GABRG1: variants seen among roughly 807,000 people sequenced by gnomAD.
GABRG1 encodes the protein gamma-aminobutyric acid receptor subunit gamma-1.
A neutral mutation model predicts 49.8 loss-of-function variants in GABRG1; 49 were observed. The ratio of observed to expected loss-of-function variants is 0.98; its 90% CI spans 0.78 to 1.25. The LOEUF (loss-of-function observed/expected upper bound fraction) is 1.25, where lower values mean the gene tolerates loss of function less well. Ranked by LOEUF, GABRG1 falls within the 50% of genes most tolerant of loss-of-function variation. The probability of loss-of-function intolerance (pLI) is 0.00; values close to 1 mark genes in which losing one functional copy is unlikely to be tolerated. For synonymous variants in GABRG1, 232 were observed against 185.1 expected, an observed-to-expected ratio of 1.25 and a Z score of -2.06; for missense variants, 552 against 552.3, an observed-to-expected ratio of 1.00 and a Z score of 0.01.
At chr4:46,117,946 A>G (rs1390551593) in intron 1 of GABRG1, among the ~76,000 whole-genome samples, 19 of 21,706 alleles carry the variant, frequency 8.8e-4, no homozygotes, top group South Asian at 1.8e-3. Context: ...ATATGTATAC[A>G]TGTGTATCTA....
At chr4:46,086,397 T>C (rs1397880032) in intron 2 of GABRG1, among the ~76,000 whole-genome samples, 1 of 151,636 alleles carries the variant, frequency 6.6e-6, no homozygotes, top group Non-Finnish European at 1.5e-5. Flanking sequence ...TAAACTACAA[T>C]AGATTTTAAA....
At chr4:46,071,969 C>A (rs964505107) in intron 3 of GABRG1, among the ~76,000 whole-genome samples, 10 of 151,970 alleles carry the variant, frequency 6.6e-5, no homozygotes, top group African/African-American at 2.2e-4. Context: ...AATGTCCAGG[C>A]CTTCACATTC....
At chr4:46,082,425 T>G (rs954556433) in intron 3 of GABRG1, among the ~76,000 whole-genome samples, 4 of 151,734 alleles carry the variant, frequency 2.6e-5, no homozygotes, top group African/African-American at 9.7e-5. Context: ...TAAATCTACA[T>G]TCCCACTCAC....
intron 1 of GABRG1, among the ~76,000 whole-genome samples, chr4:46,105,656 T>C (rs1397685820): frequency 2.0e-5 from 3 of 151,404 alleles, no homozygotes; most frequent in African/African-American, 7.3e-5. Flanking sequence ...CATAATTAAT[T>C]TGAATGTCCA....
At chr4:46,112,153 T>C (rs1720736852) in intron 1 of GABRG1, among the ~76,000 whole-genome samples, 1 of 150,638 alleles carries the variant, frequency 6.6e-6, no homozygotes, top group Non-Finnish European at 1.5e-5. Context: ...TCCAACAAAA[T>C]AAAACCCCAC....
intron 2 of GABRG1, among the ~76,000 whole-genome samples, chr4:46,090,687 G>A (rs1314281244): frequency 6.6e-6 from 1 of 151,768 alleles, no homozygotes; most frequent in Non-Finnish European, 1.5e-5. Flanking sequence ...ACACACAGAT[G>A]GTGAAGAAAG....
At position 46,058,355 on chromosome 4, in the gene GABRG1, T is replaced by C; in HGVS notation, c.778A>G (p.Met260Val). The C allele has an allele frequency of 1.2e-6, 2 of 1,611,152 alleles. No homozygotes were observed. Among genetic ancestry groups the C allele is most frequent in the South Asian group, 1.1e-5 (1 of 90,428 alleles). Residue 260 changes from methionine (M) to valine (V), a missense_variant, in exon 7 of 9, where the codon ATG (methionine) becomes GTG (valine). By Grantham distance (21) the Met-to-Val change is conservative. Transcript: ENST00000295452. ...CTGCTCAGGTCAAAAAAAATTGTCA[T>C]GATAACATAATCCCCTGTAAGAAAA... is the stretch of plus-strand genomic sequence containing the variant. The part of the protein sequence containing the change: ...THTISGDYVI[M>V]TIFFDLSRRM...
At chr4:46,085,558 A>G (rs985041249) in intron 2 of GABRG1, among the ~76,000 whole-genome samples, 2 of 151,646 alleles carry the variant, frequency 1.3e-5, no homozygotes, top group African/African-American at 4.8e-5. Context: ...TTGAGATGCT[A>G]TTTGATCTGA....
At chr4:46,047,444 A>G (rs542833079) in intron 8 of GABRG1, among the ~76,000 whole-genome samples, 1 of 152,176 alleles carries the variant, frequency 6.6e-6, no homozygotes, top group African/African-American at 2.4e-5. Context: ...TTTATGAATG[A>G]ATTATTTACA....
intron 1 of GABRG1, among the ~76,000 whole-genome samples, chr4:46,118,008 G>A (rs573327002): frequency 8.8e-6 from 1 of 113,250 alleles, no homozygotes; most frequent in Non-Finnish European, 1.7e-5. Flanking sequence ...ATATACATAT[G>A]TATACATGTG....
intron 1 of GABRG1, among the ~76,000 whole-genome samples, chr4:46,097,573 TAATA>T (rs1560369640): frequency 6.8e-6 from 1 of 148,092 alleles, no homozygotes; most frequent in African/African-American, 2.6e-5. Context: ...AATATTAAAA[TAATA>T]AAGTAAATTT....
intron 5 of GABRG1, among the ~76,000 whole-genome samples, chr4:46,060,279 G>A (rs1296638226): frequency 2.0e-5 from 3 of 151,912 alleles, no homozygotes; most frequent in Non-Finnish European, 4.4e-5. Flanking sequence ...GTGTGTGTGT[G>A]TGTTTAGGAG....
chr4:46,072,083 AT>A (rs1192487464), intron 3 of GABRG1, among the ~76,000 whole-genome samples: 6 of 151,928 alleles, frequency 3.9e-5, no homozygotes, highest in Non-Finnish European at 8.8e-5. Context: ...TTTATACCAT[AT>A]TTTTACTGTA....
intron 2 of GABRG1, among the ~76,000 whole-genome samples, chr4:46,095,454 AATT>A (rs1478138578): frequency 4.6e-5 from 7 of 151,842 alleles, no homozygotes; most frequent in African/African-American, 1.7e-4. Flanking sequence ...CGGCTACCCA[AATT>A]GAACAGCTCT....
intron 3 of GABRG1, among the ~76,000 whole-genome samples, chr4:46,074,599 C>T (rs948383886): frequency 6.6e-6 from 1 of 152,042 alleles, no homozygotes; most frequent in Admixed American, 6.6e-5. Context: ...TTTATTATAA[C>T]AAAATGTCCG....
At chr4:46,082,146 G>T (rs2109421617) in intron 3 of GABRG1, among the ~76,000 whole-genome samples, 1 of 151,854 alleles carries the variant, frequency 6.6e-6, no homozygotes, top group East Asian at 1.9e-4. Flanking sequence ...ACATTATGAA[G>T]TCTTTTTTAA....
At chr4:46,061,432 T>A (rs1181863433) in intron 5 of GABRG1, among the ~76,000 whole-genome samples, 1 of 152,030 alleles carries the variant, frequency 6.6e-6, no homozygotes, top group African/African-American at 2.4e-5. Flanking sequence ...TCTACCAAAT[T>A]CTAGAATGTG....
chr4:46,099,867 T>C (rs76880829), intron 1 of GABRG1, among the ~76,000 whole-genome samples: 1 of 151,702 alleles, frequency 6.6e-6, no homozygotes, highest in African/African-American at 2.4e-5. Flanking sequence ...GTGGATTAAC[T>C]TGACCAATGT....
chr4:46,051,639 C>T lies in GABRG1; in HGVS notation c.917-1G>A, dbSNP rs1168573980. 6.4e-7 allele frequency: 1 copy of T among 1,555,470 alleles called. No individual in the cohort carries two copies. Among genetic ancestry groups the T allele is most frequent in the Non-Finnish European group, 8.8e-7 (1 of 1,141,792 alleles). On this transcript the variant is annotated splice_acceptor_variant, in intron 7 of 8. Transcript: ENST00000295452. LOFTEE classifies it high-confidence loss of function. ...GTCATAGTCAGAACTGTAGTGATAC[C>T]TATAGAGAGAGGAAACAAAACAGGA...
Sources: gnomAD v4.1 joint callset for allele counts (sites outside exome capture counted in the v4.1 genomes callset) on GRCh38, gnomAD v4.1.1 for gene constraint, MANE v1.5 for transcripts, NCBI Gene and HGNC (gene_info 2026-07-23, HGNC 2026-07-21) for gene names.